Variants in TSPAN5 observed in about 807,000 individuals in gnomAD.
The protein encoded by TSPAN5 is tetraspanin 5, also known as tetraspanin-5.
A neutral mutation model predicts 37.1 loss-of-function variants in TSPAN5; 10 were observed. The ratio of observed to expected loss-of-function variants is 0.27; its 90% confidence interval spans 0.17 to 0.46. TSPAN5 has a LOEUF of 0.46. Ranked by LOEUF, TSPAN5 falls within the 20% of genes least tolerant of loss-of-function variation. The probability of loss-of-function intolerance (pLI) is 1.00; values close to 1 mark genes in which losing one functional copy is unlikely to be tolerated. For synonymous variants in TSPAN5, 110 were observed against 118.9 expected, an observed-to-expected ratio of 0.93 and a Z score of 0.48; for missense variants, 195 against 326.6, an observed-to-expected ratio of 0.60 and a Z score of 3.11.
At chr4:98,499,657 C>CTTTTT (rs757802654) in intron 2 of TSPAN5, among the ~76,000 whole-genome samples, 4 of 108,080 alleles carry the variant, frequency 3.7e-5, no homozygotes, top group Admixed American at 1.1e-4. Flanking sequence ...GTTTCCAGCT[C>CTTTTT]TTTTTTTTTT....
At chr4:98,497,909 C>T (rs940845316) in intron 2 of TSPAN5, among the ~76,000 whole-genome samples, 4 of 152,058 alleles carry the variant, frequency 2.6e-5, no homozygotes, top group Admixed American at 6.6e-5. Context: ...ATGTGACAAG[C>T]GGTGAGAAGA....
chr4:98,589,559 C>A (rs1337066211), intron 1 of TSPAN5, among the ~76,000 whole-genome samples: 1 of 152,216 alleles, frequency 6.6e-6, no homozygotes, highest in African/African-American at 2.4e-5. Flanking sequence ...TTTCTTTCCT[C>A]CTTAGCAGGA....
At chr4:98,482,393 T>C in intron 3 of TSPAN5, 2 of 400,144 alleles carry the variant, frequency 5.0e-6, no homozygotes, top group South Asian at 4.2e-5. Flanking sequence ...GGGTCTCTAG[T>C]GTTCCATTTG....
chr4:98,622,307 C>G (rs970919453), intron 1 of TSPAN5, among the ~76,000 whole-genome samples: 1 of 152,114 alleles, frequency 6.6e-6, no homozygotes, highest in South Asian at 2.1e-4. Context: ...GAACTCCTGG[C>G]CTCAAGTGAT....
intron 2 of TSPAN5, among the ~76,000 whole-genome samples, chr4:98,499,407 C>A (rs1365584523): frequency 6.6e-6 from 1 of 152,170 alleles, no homozygotes; most frequent in East Asian, 1.9e-4. Flanking sequence ...AATCACTGGG[C>A]CTGGATCTGT....
intron 1 of TSPAN5, among the ~76,000 whole-genome samples, chr4:98,641,046 G>A (rs1560570973): frequency 6.6e-6 from 1 of 152,156 alleles, no homozygotes; most frequent in Non-Finnish European, 1.5e-5. Flanking sequence ...TTGAATCCAG[G>A]CAGTCTCACC....
At chr4:98,502,396 A>G (rs2110281257) in intron 2 of TSPAN5, among the ~76,000 whole-genome samples, 1 of 152,318 alleles carries the variant, frequency 6.6e-6, no homozygotes, top group South Asian at 2.1e-4. Context: ...CAGGGAAATG[A>G]GGTGGAACTA....
chr4:98,519,780 G>A (rs868604412), intron 1 of TSPAN5, among the ~76,000 whole-genome samples: 11 of 152,308 alleles, frequency 7.2e-5, no homozygotes, highest in Middle Eastern at 3.4e-3. Flanking sequence ...AAGGAAATCT[G>A]GGGGCTGGAC....
At chr4:98,583,088 T>A (rs1301975140) in intron 1 of TSPAN5, among the ~76,000 whole-genome samples, 2 of 152,174 alleles carry the variant, frequency 1.3e-5, no homozygotes, top group Non-Finnish European at 2.9e-5. Flanking sequence ...AACTTCGACT[T>A]GTCAACTGAA....
intron 1 of TSPAN5, among the ~76,000 whole-genome samples, chr4:98,585,401 C>T (rs754559342): frequency 6.6e-6 from 1 of 152,088 alleles, no homozygotes; most frequent in Non-Finnish European, 1.5e-5. Context: ...CCTCTGCCTC[C>T]GGGGTTCAAA....
intron 1 of TSPAN5, among the ~76,000 whole-genome samples, chr4:98,553,707 G>A (rs1754671064): frequency 6.6e-6 from 1 of 152,054 alleles, no homozygotes; most frequent in African/African-American, 2.4e-5. Flanking sequence ...CCACCAGCTT[G>A]GGCAAGACCA....
chr4:98,582,273 C>T (rs1026876742), intron 1 of TSPAN5, among the ~76,000 whole-genome samples: 1 of 152,224 alleles, frequency 6.6e-6, no homozygotes, highest in African/African-American at 2.4e-5. Context: ...TGGGTCACTT[C>T]TTCAGCCTCC....
intron 1 of TSPAN5, among the ~76,000 whole-genome samples, chr4:98,538,699 C>T (rs1478522407): frequency 6.6e-6 from 1 of 152,184 alleles, no homozygotes; most frequent in Non-Finnish European, 1.5e-5. Context: ...TTATGCTATA[C>T]TTTGTATCAG....
intron 2 of TSPAN5, among the ~76,000 whole-genome samples, chr4:98,499,960 G>A (rs923541442): frequency 2.0e-5 from 3 of 151,866 alleles, no homozygotes; most frequent in African/African-American, 2.4e-5. Flanking sequence ...GCGCCCGGCC[G>A]GTTTCCAGCT....
chr4:98,577,738 A>G (rs1755272088), intron 1 of TSPAN5, among the ~76,000 whole-genome samples: 1 of 152,182 alleles, frequency 6.6e-6, no homozygotes, highest in South Asian at 2.1e-4. Flanking sequence ...TTCAGCCCAA[A>G]TCCAGTTCTG....
rs542327771 is a variant in TSPAN5 at position 98,518,207 on chromosome 4, A to G, written c.82-10479T>C. ...CACACCACACCCAGTCTATCCTGAC[A>G]TTTAAAAACAAGGTATGATAAAGGT... On this transcript the variant is annotated intron_variant, in intron 1 of 7. Coordinates refer to ENST00000305798, the MANE Select transcript of TSPAN5 (RefSeq NM_005723.4). Among the ~76,000 whole-genome samples the G allele has an allele frequency of 3.3e-5, 5 of 151,920 alleles. No homozygotes were observed. In the East Asian group the frequency reaches 9.7e-4, roughly 29 times the overall value.
At chr4:98,657,462 CTTA>C (rs1757315638) in intron 1 of TSPAN5, 1 of 152,302 alleles carries the variant, frequency 6.6e-6, no homozygotes, top group East Asian at 1.9e-4. Context: ...TTGACGGTGA[CTTA>C]TTATCCTGAC....
At chr4:98,626,627 C>T (rs1756607762) in intron 1 of TSPAN5, among the ~76,000 whole-genome samples, 1 of 152,092 alleles carries the variant, frequency 6.6e-6, no homozygotes, top group Non-Finnish European at 1.5e-5. Flanking sequence ...CCTACAGGCT[C>T]CCTCTGCCGG....
chr4:98,609,765 C>T (rs1756136214), intron 1 of TSPAN5, among the ~76,000 whole-genome samples: 1 of 152,134 alleles, frequency 6.6e-6, no homozygotes, highest in Admixed American at 6.5e-5. Context: ...CTGTCCCTTA[C>T]CTAGGGAGGC....
Sources: gnomAD v4.1 joint callset for allele counts (sites outside exome capture counted in the v4.1 genomes callset) on GRCh38, gnomAD v4.1.1 for gene constraint, MANE v1.5 for transcripts, NCBI Gene and HGNC (gene_info 2026-07-23, HGNC 2026-07-21) for gene names.